Variants in CAMKMT observed in about 807,000 individuals in gnomAD.
The protein encoded by CAMKMT is CaM KMT.
A neutral mutation model predicts 48.0 loss-of-function variants in CAMKMT; 53 were observed. The ratio of observed to expected loss-of-function variants is 1.10; its 90% CI spans 0.89 to 1.39. The LOEUF is 1.39. CAMKMT is among the 40% of genes most tolerant of loss of function. CAMKMT has a pLI of 0.00. For synonymous variants in CAMKMT, 165 were observed against 152.3 expected (o/e 1.08, Z -0.61); for missense variants, 428 against 402.7 (o/e 1.06, Z -0.54).
chr2:44,752,967 A>G (rs758474014), intron 8 of CAMKMT, among the ~76,000 whole-genome samples: 1 of 152,208 alleles, frequency 6.6e-6, no homozygotes, highest in Non-Finnish European at 1.5e-5. Context: ...TGCGACCTGC[A>G]AGTTCAGATA....
chr2:44,505,743 G>A (rs373244736), intron 3 of CAMKMT, among the ~76,000 whole-genome samples: 113 of 152,192 alleles, frequency 7.4e-4, no homozygotes, highest in African/African-American at 2.6e-3. Flanking sequence ...AAGTGGACCC[G>A]TGCAGTTCAA....
intron 3 of CAMKMT, among the ~76,000 whole-genome samples, chr2:44,442,793 T>A (rs897524647): frequency 6.6e-6 from 1 of 152,222 alleles, no homozygotes; most frequent in Non-Finnish European, 1.5e-5. Context: ...ACTTTATTTG[T>A]CTGTCATCCC....
intron 3 of CAMKMT, among the ~76,000 whole-genome samples, chr2:44,546,470 A>G (rs1667417000): frequency 6.6e-6 from 1 of 152,178 alleles, no homozygotes; most frequent in Non-Finnish European, 1.5e-5. Context: ...TCTCATCCCT[A>G]AAGAGTCCAG....
intron 3 of CAMKMT, among the ~76,000 whole-genome samples, chr2:44,451,267 A>G (rs1667273220): frequency 6.6e-6 from 1 of 152,088 alleles, no homozygotes; most frequent in African/African-American, 2.4e-5. Context: ...GAAGTAGAAT[A>G]GTTGTTTCTC....
chr2:44,523,265 G>T (rs548719116), intron 3 of CAMKMT, among the ~76,000 whole-genome samples: 1 of 151,612 alleles, frequency 6.6e-6, no homozygotes, highest in South Asian at 2.1e-4. Flanking sequence ...TGATGTCTTG[G>T]GCTTCTGCTG....
At chr2:44,682,974 TAA>T (rs1676109701) in intron 3 of CAMKMT, among the ~76,000 whole-genome samples, 1 of 151,998 alleles carries the variant, frequency 6.6e-6, no homozygotes, top group Non-Finnish European at 1.5e-5. Flanking sequence ...GTGTAGATGA[TAA>T]ATTTCCTGAA....
At chr2:44,609,282 C>A (rs771577741) in intron 3 of CAMKMT, among the ~76,000 whole-genome samples, 3 of 152,136 alleles carry the variant, frequency 2.0e-5, no homozygotes, top group Non-Finnish European at 4.4e-5. Context: ...AAGAGACATA[C>A]TGTACAGTGT....
intron 3 of CAMKMT, among the ~76,000 whole-genome samples, chr2:44,549,206 T>A (rs550364354): frequency 6.6e-6 from 1 of 152,312 alleles, no homozygotes; most frequent in African/African-American, 2.4e-5. Context: ...GATTGCAATC[T>A]TCTGAATCTG....
Position 44,473,642 on chromosome 2 carries a change from C to A in CAMKMT, c.376+83337C>A, listed in dbSNP as rs531826789. 4.2e-3 allele frequency among the ~76,000 whole-genome samples: 636 copies of A among 152,054 alleles called. 4 individuals carry two copies. Among genetic ancestry groups the A allele is most frequent in the Non-Finnish European group, 6.0e-3 (411 of 68,004 alleles). ...TCTGTGTGGAATTTTTTAGTAGATA[C>A]CTGAAGTTACAAAATATAAAAACAA... On this transcript the variant is annotated intron_variant, in intron 3 of 10. Coordinates refer to ENST00000378494, the MANE Select transcript of CAMKMT (RefSeq NM_024766.5).
chr2:44,414,033 G>A (rs750658048), intron 3 of CAMKMT, among the ~76,000 whole-genome samples: 1 of 152,124 alleles, frequency 6.6e-6, no homozygotes, highest in Non-Finnish European at 1.5e-5. Context: ...TATGCCAGTT[G>A]GTAGGCCTTT....
intron 8 of CAMKMT, among the ~76,000 whole-genome samples, chr2:44,752,510 T>C (rs1680196781): frequency 1.3e-5 from 2 of 152,270 alleles, no homozygotes. Flanking sequence ...CACAATATGC[T>C]TTCACCTGTC....
intron 3 of CAMKMT, among the ~76,000 whole-genome samples, chr2:44,590,340 T>G (rs1670183349): frequency 6.6e-6 from 1 of 152,234 alleles, no homozygotes; most frequent in South Asian, 2.1e-4. Flanking sequence ...TTGGTGTTAT[T>G]TCTCCTTCAA....
In CAMKMT at chr2:44,495,020, G is replaced by A. The variant is rs1669690678; in HGVS notation, c.376+104715G>A. Among the ~76,000 whole-genome samples, 3 of 152,208 alleles carry A rather than the reference G, an allele frequency of 2.0e-5. 1 individual carries two copies. In the South Asian group the frequency reaches 6.2e-4, roughly 31 times the overall value. On this transcript the variant is annotated intron_variant, in intron 3 of 10. Transcript: ENST00000378494. ...GTTGAATGAACGTGAGATGTAGAGT[G>A]ATGATGGATAGACCCTAATTATGTC...
intron 2 of CAMKMT, among the ~76,000 whole-genome samples, 171 bp from the exon 3 acceptor site, chr2:44,390,070 T>C (rs1274806239): frequency 1.3e-5 from 2 of 152,210 alleles, no homozygotes; most frequent in African/African-American, 4.8e-5. Flanking sequence ...GACCATACTG[T>C]TATTTCTTTC....
chr2:44,516,786 G>T (rs188675047), intron 3 of CAMKMT, among the ~76,000 whole-genome samples: 2 of 142,838 alleles, frequency 1.4e-5, no homozygotes, highest in Admixed American at 1.4e-4. Flanking sequence ...CTGTCACCCA[G>T]GTTGGAGTAC....
intron 3 of CAMKMT, among the ~76,000 whole-genome samples, chr2:44,499,178 T>C (rs575776347): frequency 3.1e-4 from 47 of 152,300 alleles, no homozygotes; most frequent in African/African-American, 1.1e-3. Flanking sequence ...AATAGGCAGA[T>C]ATATGGAGAA....
intron 3 of CAMKMT, among the ~76,000 whole-genome samples, chr2:44,478,579 TTAAC>T (rs1371079179): frequency 2.0e-5 from 3 of 152,236 alleles, no homozygotes; most frequent in African/African-American, 7.2e-5. Context: ...TTTCAAATCT[TTAAC>T]AATAATAAAG....
At chr2:44,575,996 C>A (rs2103754240) in intron 3 of CAMKMT, among the ~76,000 whole-genome samples, 1 of 152,058 alleles carries the variant, frequency 6.6e-6, no homozygotes, top group South Asian at 2.1e-4. Context: ...GGTGGTGAAA[C>A]TGGTCTCAGA....
intron 10 of CAMKMT, among the ~76,000 whole-genome samples, chr2:44,768,361 A>ATATATATATATATATATTTTTT (rs35058824): frequency 6.9e-5 from 8 of 115,714 alleles, no homozygotes; most frequent in African/African-American, 2.2e-4. Flanking sequence ...ATATATATAT[A>ATATATATATATATATATTTTTT]TTTTTTTTTT....
Sources: allele counts gnomAD v4.1 joint callset (sites outside exome capture counted in the v4.1 genomes callset), GRCh38; gene constraint gnomAD v4.1.1; transcripts MANE v1.5; gene names NCBI Gene and HGNC (gene_info 2026-07-23, HGNC 2026-07-21).